Variants in SLC2A9 observed in about 807,000 individuals in gnomAD.
SLC2A9 encodes the protein solute carrier family 2, facilitated glucose transporter member 9.
A neutral mutation model predicts 50.6 loss-of-function variants in SLC2A9; 39 were observed. That is an observed-to-expected ratio of 0.77 (90% CI 0.60 to 1.01). SLC2A9 has a LOEUF of 1.01. SLC2A9 is among the 50% of genes least tolerant of loss of function. SLC2A9 has a pLI of 0.00. For synonymous variants in SLC2A9, 324 were observed against 276.9 expected (o/e 1.17, Z -1.69); for missense variants, 686 against 677.6 (o/e 1.01, Z -0.14).
At chr4:9,773,672 C>G (rs996111898) in intron 1 of SLC2A9, among the ~76,000 whole-genome samples, 11 of 152,316 alleles carry the variant, frequency 7.2e-5, no homozygotes, top group African/African-American at 2.6e-4. Context: ...TGAAATGAGG[C>G]AGGAGTTTAT....
At chr4:9,904,461 A>C (rs1423108581) in intron 8 of SLC2A9, among the ~76,000 whole-genome samples, 4 of 152,268 alleles carry the variant, frequency 2.6e-5, no homozygotes, top group African/African-American at 9.6e-5. Flanking sequence ...TTCACTTACA[A>C]GGACCCTGTG....
intron 10 of SLC2A9, among the ~76,000 whole-genome samples, chr4:9,845,309 A>G (rs1001031556): frequency 3.3e-5 from 5 of 151,566 alleles, no homozygotes; most frequent in Non-Finnish European, 7.4e-5. Context: ...CACCACGCCC[A>G]GCCAAAAGTT....
At chr4:9,908,450 G>A (rs2109982348) in intron 7 of SLC2A9, 105 bp from the exon 8 acceptor site, 1 of 775,002 alleles carries the variant, frequency 1.3e-6, no homozygotes, top group Non-Finnish European at 2.3e-6. Flanking sequence ...TAAACTCAGA[G>A]TCCCAAGGTG....
chr4:9,908,426 G>A, intron 7 of SLC2A9, 81 bp from the exon 8 acceptor site: 3 of 982,436 alleles, frequency 3.1e-6, no homozygotes, highest in Non-Finnish European at 4.8e-6. Context: ...TTGGGTATCA[G>A]GTGGTCTCTG....
At chr4:9,874,311 G>A (rs934704855) in intron 10 of SLC2A9, among the ~76,000 whole-genome samples, 4 of 152,176 alleles carry the variant, frequency 2.6e-5, no homozygotes, top group Non-Finnish European at 5.9e-5. Context: ...TGAATAAACA[G>A]AATGATCACA....
intron 5 of SLC2A9, among the ~76,000 whole-genome samples, chr4:9,960,927 C>T (rs934809159): frequency 2.0e-5 from 3 of 152,204 alleles, no homozygotes; most frequent in Non-Finnish European, 2.9e-5. Context: ...TTGGTGGACA[C>T]AGGATCTGTT....
At chr4:9,925,761 G>A (rs1744779846) in intron 6 of SLC2A9, among the ~76,000 whole-genome samples, 1 of 152,192 alleles carries the variant, frequency 6.6e-6, no homozygotes, top group Admixed American at 6.5e-5. Context: ...GACAGGGAAG[G>A]AGAAGGAGCA....
At chr4:10,028,812 C>T (rs1046746837) in intron 1 of SLC2A9, among the ~76,000 whole-genome samples, 4 of 152,150 alleles carry the variant, frequency 2.6e-5, no homozygotes, top group African/African-American at 9.7e-5. Flanking sequence ...CTCAGAGAAG[C>T]GGTGCCTCCC....
At chr4:9,864,751 G>C (rs186594255) in intron 10 of SLC2A9, among the ~76,000 whole-genome samples, 8 of 152,312 alleles carry the variant, frequency 5.3e-5, no homozygotes, top group Admixed American at 1.3e-4. Flanking sequence ...TCCTGTCCTT[G>C]TATACTTAGA....
downstream of SLC2A9, among the ~76,000 whole-genome samples, chr4:9,796,148 G>A (rs550917924): frequency 7.9e-5 from 12 of 152,254 alleles, no homozygotes; most frequent in East Asian, 1.5e-3. Context: ...TGTGGCTCAC[G>A]CTCCCATAGA....
rs140340653 is a variant in SLC2A9 at position 9,951,842 on chromosome 4, G to A, written c.682-9797C>T. ...CTTGAAAAGTAAAATTGTCAGAAAA[G>A]GACAGGAAATTTACAAAAGATTCAT... On this transcript the variant is annotated intron_variant, in intron 5 of 11. Transcript: ENST00000264784. Among the ~76,000 whole-genome samples the A allele has an allele frequency of 3.5e-3, 532 of 152,336 alleles. 4 individuals are homozygous for A. The highest frequency in any genetic ancestry group is 0.012 in the African/African-American group (484 of 41,568).
chr4:10,017,606 C>T (rs1578360203), intron 2 of SLC2A9, among the ~76,000 whole-genome samples: 1 of 152,220 alleles, frequency 6.6e-6, no homozygotes, highest in South Asian at 2.1e-4. Context: ...AATTCCAGGG[C>T]TCATGGGAAC....
chr4:9,879,572 A>G (rs960013346), intron 10 of SLC2A9: 1 of 985,158 alleles, frequency 1.0e-6, no homozygotes, highest in African/African-American at 1.7e-5. Flanking sequence ...TTTCCAAGCA[A>G]GGTATGTGCT....
intron 10 of SLC2A9, among the ~76,000 whole-genome samples, chr4:9,853,175 CAAAA>C: frequency 1.3e-5 from 1 of 79,460 alleles, no homozygotes; most frequent in African/African-American, 3.9e-5. Flanking sequence ...AACTCCCTCT[CAAAA>C]AAAAAAAAAA....
chr4:9,880,967 C>T lies in SLC2A9; in HGVS notation c.1291+6600G>A, dbSNP rs577151745. The stretch of plus-strand genomic sequence containing the variant: ...TCCCCAACAGACCTCTAGTGAGTTC[C>T]ATAAAACCGCAAATCCTTAGTGCAA... On this transcript the variant is annotated intron_variant, in intron 10 of 11. Transcript: ENST00000264784. Among the ~76,000 whole-genome samples, 119 of 152,174 alleles carry T rather than the reference C, an allele frequency of 7.8e-4. 1 individual carries two copies. The highest frequency in any genetic ancestry group is 5.3e-4 in the Non-Finnish European group (36 of 68,040).
intron 2 of SLC2A9, among the ~76,000 whole-genome samples, chr4:10,008,991 CG>C (rs67295136): frequency 0.14 from 20,467 of 148,902 alleles, 2,366 homozygotes; most frequent in African/African-American, 0.32. Flanking sequence ...CTGAAAAGAG[CG>C]GGGGGTGAGG....
Position 9,826,342 on chromosome 4 carries a change from C to T in SLC2A9, c.*55G>A. On this transcript the variant is annotated 3_prime_UTR_variant, in exon 12 of 12. Coordinates refer to ENST00000264784, the MANE Select transcript of SLC2A9 (RefSeq NM_020041.3). ...TAAGTTTCCTGAAAAGTGAGATCAT[C>T]CATGTAGACAATCCTGTTTTTGACA... 6.4e-7 allele frequency: 1 copy of T among 1,567,798 alleles called. No homozygotes were observed. Among genetic ancestry groups the T allele is most frequent in the East Asian group, 2.2e-5 (1 of 44,686 alleles).
intron 5 of SLC2A9, among the ~76,000 whole-genome samples, chr4:9,945,029 T>C (rs1425790847): frequency 6.6e-6 from 1 of 152,242 alleles, no homozygotes; most frequent in Non-Finnish European, 1.5e-5. Flanking sequence ...GGCTCTGCTA[T>C]GCCCTGTGCT....
chr4:9,800,598 G>C (rs569785632), intron 3 of SLC2A9, among the ~76,000 whole-genome samples: 1 of 152,176 alleles, frequency 6.6e-6, no homozygotes, highest in South Asian at 2.1e-4. Context: ...TACACTTTGT[G>C]GTACACTCAG....
Sources: allele counts gnomAD v4.1 joint callset (sites outside exome capture counted in the v4.1 genomes callset), GRCh38; gene constraint gnomAD v4.1.1; transcripts MANE v1.5; gene names NCBI Gene and HGNC (gene_info 2026-07-23, HGNC 2026-07-21).